The following RORA variants were observed in gnomAD, a reference collection of about 807,000 sequenced individuals.
RORA encodes the protein RAR related orphan receptor A, also known as nuclear receptor ROR-alpha.
A neutral mutation model predicts 69.5 loss-of-function variants in RORA; 7 were observed. The ratio of observed to expected loss-of-function variants is 0.10; its 90% CI spans 0.06 to 0.19. The LOEUF (loss-of-function observed/expected upper bound fraction) is 0.19, where lower values mean the gene tolerates loss of function less well. RORA is among the 10% of genes least tolerant of loss of function. The probability of loss-of-function intolerance (pLI) is 1.00; values close to 1 mark genes in which losing one functional copy is unlikely to be tolerated. For missense variants in RORA, 457 were observed against 663.0 expected (o/e 0.69, Z 3.41); for synonymous variants, 261 against 240.8 (o/e 1.08, Z -0.78).
At chr15:60,749,922 C>T (rs567583086) in intron 1 of RORA, among the ~76,000 whole-genome samples, 1 of 152,076 alleles carries the variant, frequency 6.6e-6, no homozygotes, top group Non-Finnish European at 1.5e-5. Flanking sequence ...CCCAGCTACT[C>T]AGGAGGCTGA....
intron 1 of RORA, among the ~76,000 whole-genome samples, chr15:61,159,619 G>A (rs150987039): frequency 6.6e-5 from 10 of 152,216 alleles, no homozygotes; most frequent in Non-Finnish European, 1.3e-4. Context: ...ACCTAACATC[G>A]TGTTCCAAAA....
At position 60,916,613 on chromosome 15, in the gene RORA, G is replaced by GAT. The variant is rs34503904; in HGVS notation, c.167-237929_167-237928dup. 1.6e-4 allele frequency among the ~76,000 whole-genome samples: 25 copies of GAT among 151,684 alleles called. No individual in the cohort carries two copies. The East Asian group carries it at 2.3e-3, about 14-fold the overall frequency. On this transcript the variant is annotated intron_variant, in intron 1 of 10. Transcript: ENST00000335670. ...TCGAAAATATCATTAGAATTGCCTGGATATATATATATTTTTAAATACCAA... is the reference window on the plus strand; with the variant it reads ...TCGAAAATATCATTAGAATTGCCTGGATATATATATATATTTTTAAATACCAA...
intron 1 of RORA, among the ~76,000 whole-genome samples, chr15:60,894,945 A>G (rs1361227951): frequency 6.6e-6 from 1 of 152,190 alleles, no homozygotes; most frequent in Non-Finnish European, 1.5e-5. Flanking sequence ...GCAGTGCCTT[A>G]AACAGGGAGG....
chr15:60,998,047 G>C (rs1488688788), intron 1 of RORA, among the ~76,000 whole-genome samples: 2 of 152,332 alleles, frequency 1.3e-5, no homozygotes, highest in Non-Finnish European at 2.9e-5. Context: ...ATCCACTCTA[G>C]AGACCAATAG....
At chr15:60,507,567 A>G (rs1281444689) in intron 5 of RORA, among the ~76,000 whole-genome samples, 1 of 152,242 alleles carries the variant, frequency 6.6e-6, no homozygotes, top group Non-Finnish European at 1.5e-5. Flanking sequence ...AGAGTGAGAG[A>G]GAGAAGCCAG....
chr15:60,895,793 G>C (rs189568160), intron 1 of RORA, among the ~76,000 whole-genome samples: 1 of 152,232 alleles, frequency 6.6e-6, no homozygotes, highest in East Asian at 1.9e-4. Flanking sequence ...GTATAAGCTA[G>C]GGCTCTTACT....
intron 1 of RORA, among the ~76,000 whole-genome samples, chr15:60,914,275 G>A (rs914369025): frequency 3.3e-5 from 5 of 152,144 alleles, no homozygotes; most frequent in African/African-American, 9.7e-5. Flanking sequence ...AGGGTGGGAG[G>A]CTTTGGGGAA....
chr15:60,502,854 C>A lies in RORA; in HGVS notation c.1089G>T (p.Val363=), dbSNP rs1458044290. The change falls in exon 8 of 11, where the codon GTG becomes GTT. Residue 363 remains valine, a synonymous_variant. Coordinates refer to ENST00000335670, the MANE Select transcript of RORA (RefSeq NM_134261.3). ...AGGCACGGCACATTCTGATAAACAC[C>A]ACCTCTAGAGAACCTAAGCAGAGGC... ...IVLLKAGSLE[V]VFIRMCRAFD... The A allele has an allele frequency of 1.9e-6, 3 of 1,612,370 alleles. No individual in the cohort carries two copies. In the Admixed American group the frequency reaches 5.0e-5, roughly 27 times the overall value.
chr15:60,502,718 A>T, intron 8 of RORA, 42 bp downstream of exon 8: 1 of 1,206,566 alleles, frequency 8.3e-7, no homozygotes, highest in Non-Finnish European at 1.2e-6. Flanking sequence ...ATCTTTTCCT[A>T]TAGCCCTGAT....
intron 1 of RORA, among the ~76,000 whole-genome samples, chr15:60,708,961 T>C (rs993767846): frequency 6.6e-5 from 10 of 152,310 alleles, no homozygotes; most frequent in African/African-American, 2.4e-4. Context: ...AAGGCCTTGA[T>C]GTAGTGCCTG....
intron 2 of RORA, among the ~76,000 whole-genome samples, chr15:60,562,262 G>C (rs1373832483): frequency 6.6e-6 from 1 of 151,874 alleles, no homozygotes; most frequent in Non-Finnish European, 1.5e-5. Context: ...TTGAGACAGA[G>C]TCTGACTCTG....
intron 1 of RORA, among the ~76,000 whole-genome samples, chr15:61,214,607 C>T (rs2080021386): frequency 6.6e-6 from 1 of 152,162 alleles, no homozygotes; most frequent in Non-Finnish European, 1.5e-5. Flanking sequence ...AAAGCGGGGG[C>T]AGGTGAGAGA....
chr15:60,548,785 C>CTG (rs2067147375), intron 2 of RORA, among the ~76,000 whole-genome samples: 1 of 152,070 alleles, frequency 6.6e-6, no homozygotes, highest in Non-Finnish European at 1.5e-5. Flanking sequence ...CTACAGGCGC[C>CTG]CACCACCATG....
At chr15:60,758,384 A>G (rs2071833647) in intron 1 of RORA, among the ~76,000 whole-genome samples, 1 of 152,194 alleles carries the variant, frequency 6.6e-6, no homozygotes, top group Non-Finnish European at 1.5e-5. Context: ...GTAACAAGTT[A>G]CACGTTTTGG....
intron 2 of RORA, among the ~76,000 whole-genome samples, chr15:60,618,164 T>C (rs980933343): frequency 6.6e-6 from 1 of 152,204 alleles, no homozygotes; most frequent in Non-Finnish European, 1.5e-5. Flanking sequence ...TTTCTTCTCC[T>C]GTGTTGCTGG....
intron 1 of RORA, among the ~76,000 whole-genome samples, chr15:61,007,020 G>T (rs551549366): frequency 6.6e-6 from 1 of 152,040 alleles, no homozygotes; most frequent in South Asian, 2.1e-4. Context: ...AAGAGGTCAT[G>T]CCAGTTTACT....
At chr15:60,678,050 T>C (rs1360856699) in intron 2 of RORA, among the ~76,000 whole-genome samples, 1 of 152,228 alleles carries the variant, frequency 6.6e-6, no homozygotes, top group African/African-American at 2.4e-5. Flanking sequence ...TTGTAACTTA[T>C]GGTGTAGTTC....
chr15:60,996,789 A>G (rs1313139097), intron 1 of RORA, among the ~76,000 whole-genome samples: 1 of 152,064 alleles, frequency 6.6e-6, no homozygotes. Flanking sequence ...AGGCGCCTGT[A>G]GTCGCAGCTA....
rs2066726297 is a variant in RORA at position 60,537,830 on chromosome 15, C to T, written c.197-5979G>A. 6.6e-6 allele frequency among the ~76,000 whole-genome samples: 1 copy of T among 152,182 alleles called. No individual in the cohort carries two copies. Among genetic ancestry groups the T allele is most frequent in the South Asian group, 2.1e-4 (1 of 4,830 alleles). ...AGTATTTCATCCTTGCTGAACCTCA[C>T]CAAAACAATTAGATCTCCAAATAGA... On this transcript the variant is annotated intron_variant, in intron 2 of 10. Transcript: ENST00000335670. This position sits in a 1 kb window ranked among gnomAD's most constrained non-coding sequence, Gnocchi z 4.9.
Sources: gnomAD v4.1 joint callset for allele counts (sites outside exome capture counted in the v4.1 genomes callset) on GRCh38, gnomAD v4.1.1 for gene constraint, Gnocchi (gnomAD v3.1) non-coding constraint, MANE v1.5 for transcripts, NCBI Gene and HGNC (gene_info 2026-07-23, HGNC 2026-07-21) for gene names.